MARCKSL1: variants seen among roughly 807,000 people sequenced by gnomAD.
MARCKSL1 encodes the protein MARCKS like 1.
Under a neutral mutation model 13.3 loss-of-function variants are expected in MARCKSL1, and 5 were observed. The ratio of observed to expected loss-of-function variants is 0.38; its 90% CI spans 0.20 to 0.79. The LOEUF (loss-of-function observed/expected upper bound fraction) is 0.79, where lower values mean the gene tolerates loss of function less well. Ranked by LOEUF, MARCKSL1 falls within the 30% of genes least tolerant of loss-of-function variation. The pLI is 0.45. For missense variants in MARCKSL1, 274 were observed against 251.6 expected (o/e 1.09, Z -0.60); for synonymous variants, 126 against 103.2 (o/e 1.22, Z -1.34).
In MARCKSL1 at chr1:32,335,173, A is replaced by G. The variant is rs1641365673; in HGVS notation, c.88-76T>C. 1 of 1,394,414 alleles carries G rather than the reference A, an allele frequency of 7.2e-7. No individual in the cohort carries two copies. Among genetic ancestry groups the G allele is most frequent in the Non-Finnish European group, 9.4e-7 (1 of 1,068,078 alleles). The allele number at this position is 1,394,414 out of a possible 1,614,324, so 86.4% of individuals were successfully genotyped here. ...CCCGCTTCTGATCCCTTCTAGAGGA[A>G]GGGGTCCTCGATTCGATTCTACTGC... On this transcript the variant is annotated intron_variant, in intron 1 of 1. Transcript: ENST00000329421. This position sits in a 1 kb window ranked among gnomAD's most constrained non-coding sequence, Gnocchi z 4.1.
rs1330047060 is a variant in MARCKSL1 at position 32,335,353 on chromosome 1, G to A, written c.88-256C>T. Among the ~76,000 whole-genome samples the A allele has an allele frequency of 6.6e-6, 1 of 151,124 alleles. No individual in the cohort carries two copies. Among genetic ancestry groups the A allele is most frequent in the Non-Finnish European group, 1.5e-5 (1 of 67,632 alleles). ...GGCCCCCACCCCCGTCCCCCGGGGC[G>A]CGCTCTCTATTCCGCGCGGAACCGC... On this transcript the variant is annotated intron_variant, in intron 1 of 1. Coordinates refer to ENST00000329421, the MANE Select transcript of MARCKSL1 (RefSeq NM_023009.7). The surrounding 1 kb of genome is among the most constrained non-coding windows in gnomAD (Gnocchi z 4.1).
At position 32,335,284 on chromosome 1, in the gene MARCKSL1, G is replaced by C. The variant is rs1052287580; in HGVS notation, c.88-187C>G. Among the ~76,000 whole-genome samples, 1 of 152,120 alleles carries C rather than the reference G, an allele frequency of 6.6e-6. No individual in the cohort carries two copies. Among genetic ancestry groups the C allele is most frequent in the Non-Finnish European group, 1.5e-5 (1 of 67,990 alleles). On this transcript the variant is annotated intron_variant, in intron 1 of 1. Coordinates refer to ENST00000329421, the MANE Select transcript of MARCKSL1 (RefSeq NM_023009.7). This position sits in a 1 kb window ranked among gnomAD's most constrained non-coding sequence, Gnocchi z 4.1. ...CGCCCCTCACGGGCGCGCGGGGAGC[G>C]AGCGCGCAGAGGGCGCGACCGGCAG...
Position 32,336,219 on chromosome 1 carries a change from C to A in MARCKSL1, c.-186G>T. ...TAGCTGCGCCCGCCGCCGCTCCGCT[C>A]CGCGCCAGAATGCCGCCCGCCGCCC... On this transcript the variant is annotated 5_prime_UTR_variant, in exon 1 of 2. Coordinates refer to ENST00000329421, the MANE Select transcript of MARCKSL1 (RefSeq NM_023009.7). The A allele has an allele frequency of 3.1e-6, 1 of 327,786 alleles. No individual in the cohort carries two copies. The highest frequency in any genetic ancestry group is 1.5e-4 in the South Asian group (1 of 6,884). The allele number at this position is 327,786 out of a possible 1,614,324, so 20.3% of individuals were successfully genotyped here.
rs754972259 is a variant in MARCKSL1 at position 32,334,662 on chromosome 1, CTG to C, written c.521_522del (p.Thr174ArgfsTer18). ...ASEEEAGPQA[T>X]EPSTPSGPES... ...TCCGGCCCCGAGGGAGTGGATGGCT[CTG>C]TAGCCTGGGGCCCTGCCTCTTCTTC... On this transcript the variant is annotated frameshift_variant, in exon 2 of 2. Transcript: ENST00000329421. LOFTEE classifies it high-confidence loss of function. 6.2e-7 allele frequency: 1 copy of C among 1,610,600 alleles called. No individual in the cohort carries two copies. Among genetic ancestry groups the C allele is most frequent in the South Asian group, 1.1e-5 (1 of 90,756 alleles).
Position 32,334,329 on chromosome 1 carries a change from T to C in MARCKSL1, c.*268A>G, listed in dbSNP as rs1013873984. 7.1e-5 allele frequency: 26 copies of C among 366,332 alleles called. No individual in the cohort carries two copies. The highest frequency in any genetic ancestry group is 4.5e-4 in the East Asian group (11 of 24,262). The allele number at this position is 366,332 out of a possible 1,614,324, so 22.7% of individuals were successfully genotyped here. A position where few individuals can be genotyped will look rare whatever the true frequency, so the allele number is the denominator to read the frequency against. ...GCAGGGGTGGGGACAGGGAAGGAGG[T>C]AGGGCCAGGGACAGGAGCATTTCAC... On this transcript the variant is annotated 3_prime_UTR_variant, in exon 2 of 2. Transcript: ENST00000329421.
chr1:32,335,011 G>A lies in MARCKSL1; in HGVS notation c.174C>T (p.Ala58=), dbSNP rs142561179. ...GCTCGATGGCATCGCCAGTGGCCCCGGCTGCCTCATCTGTTCCGTTCACAG... is the reference window on the plus strand; with the variant it reads ...GCTCGATGGCATCGCCAGTGGCCCCAGCTGCCTCATCTGTTCCGTTCACAG... ...SPPVNGTDEA[A]GATGDAIEPA... is the part of the protein sequence containing the mutation. The change falls in exon 2 of 2, where the codon GCC becomes GCT. Residue 58 remains alanine (A), a synonymous_variant. Transcript: ENST00000329421. The surrounding 1 kb of genome is among the most constrained non-coding windows in gnomAD (Gnocchi z 4.1). 70 of 1,603,582 alleles carry A rather than the reference G, an allele frequency of 4.4e-5. No homozygotes were observed. In the African/African-American group the frequency reaches 7.4e-4, roughly 17 times the overall value.
In MARCKSL1 at chr1:32,334,896, G is replaced by A. The variant is rs371345838; in HGVS notation, c.289C>T (p.Pro97Ser). Residue 97 changes from proline (P) to serine (S), a missense_variant, in exon 2 of 2, where the codon CCT becomes TCT. Coordinates refer to ENST00000329421, the MANE Select transcript of MARCKSL1 (RefSeq NM_023009.7). ...AAGGACAGGCCGCTCAATTTGAAAG[G>A]CTTCTTGAAAGAGAATTTCTTCTTC... ...KKKKKFSFKK[P>S]FKLSGLSFKR... The A allele has an allele frequency of 1.2e-5, 20 of 1,612,376 alleles. No homozygotes were observed. The highest frequency in any genetic ancestry group is 1.7e-5 in the Admixed American group (1 of 59,994).
In MARCKSL1 at chr1:32,334,600, C is replaced by T. The variant is rs745741528; in HGVS notation, c.585G>A (p.Glu195=). The T allele has an allele frequency of 2.6e-6, 4 of 1,537,756 alleles. No homozygotes were observed. The highest frequency in any genetic ancestry group is 1.4e-5 in the African/African-American group (1 of 72,290). Residue 195 remains glutamate, a synonymous_variant, in exon 2 of 2, where the codon GAG becomes GAA. Coordinates refer to ENST00000329421, the MANE Select transcript of MARCKSL1 (RefSeq NM_023009.7). Reference sequence around the variant, plus strand: ...TCACCCACCTGCCCCTACCTAGCTACTCATTCTGCTCAGCGCTGGCTGGTG... The same window carrying T: ...TCACCCACCTGCCCCTACCTAGCTATTCATTCTGCTCAGCGCTGGCTGGTG... ...GPTPASAEQN[E] is the part of the protein sequence containing the mutation.
At position 32,334,587 on chromosome 1, in the gene MARCKSL1, C is replaced by CCCTA. The variant is rs1477188288; in HGVS notation, c.*6_*9dup. On this transcript the variant is annotated 3_prime_UTR_variant, in exon 2 of 2. Transcript: ENST00000329421. Reference sequence around the variant, plus strand: ...TGCAGCTTAGAGATCACCCACCTGCCCCTACCTAGCTACTCATTCTGCTCA... The same window carrying CCCTA: ...TGCAGCTTAGAGATCACCCACCTGCCCCTACCTACCTAGCTACTCATTCTGCTCA... The CCCTA allele has an allele frequency of 5.2e-6, 8 of 1,526,720 alleles. No homozygotes were observed. Among genetic ancestry groups the CCCTA allele is most frequent in the Non-Finnish European group, 7.0e-6 (8 of 1,137,370 alleles). The allele number at this position is 1,526,720 out of a possible 1,614,324, so 94.6% of individuals were successfully genotyped here.
chr1:32,334,781 C>T lies in MARCKSL1; in HGVS notation c.404G>A (p.Ser135Asn). ...EQEQGEIGAC[S>N]DEGTAQEGKA... The stretch of plus-strand genomic sequence containing the variant: ...CCCTTCCTGAGCAGTGCCCTCGTCG[C>T]TGCAGGCACCGATCTCCCCCTGCTC... Residue 135 changes from serine to asparagine, a missense_variant, in exon 2 of 2, where the codon AGC becomes AAC. Physicochemically the swap from Ser to Asn is conservative, Grantham distance 46. Coordinates refer to ENST00000329421, the MANE Select transcript of MARCKSL1 (RefSeq NM_023009.7). 6.2e-7 allele frequency: 1 copy of T among 1,611,678 alleles called. No individual in the cohort carries two copies. Among genetic ancestry groups the T allele is most frequent in the African/African-American group, 1.3e-5 (1 of 75,014 alleles).
rs1161099295 is a variant in MARCKSL1, at chr1:32,335,969, G to T, written c.65C>A (p.Ser22Tyr). The change falls in exon 1 of 2, where the codon TCC becomes TAC. Residue 22 changes from serine (S) to tyrosine (Y), a missense_variant. Physicochemically the swap from Ser to Tyr is moderately radical, Grantham distance 144. Coordinates refer to ENST00000329421, the MANE Select transcript of MARCKSL1 (RefSeq NM_023009.7). This position sits in a 1 kb window ranked among gnomAD's most constrained non-coding sequence, Gnocchi z 4.1. ...CACCTGGCCGTTGGCCTTCGCGGGG[G>T]AAGCGCCTGCTGCCTCCTCGGCGGT... is the stretch of plus-strand genomic sequence containing the variant. ...DVTAEEAAGA[S>Y]PAKANGQENG... 3.9e-6 allele frequency: 5 copies of T among 1,294,752 alleles called. No individual in the cohort carries two copies. The highest frequency in any genetic ancestry group is 4.9e-6 in the Non-Finnish European group (5 of 1,018,622). The allele number at this position is 1,294,752 out of a possible 1,614,324, so 80.2% of individuals were successfully genotyped here.
Position 32,336,193 on chromosome 1 carries a change from C to A in MARCKSL1, c.-160G>T. On this transcript the variant is annotated 5_prime_UTR_variant, in exon 1 of 2. Coordinates refer to ENST00000329421, the MANE Select transcript of MARCKSL1 (RefSeq NM_023009.7). ...GCACCTCCGCTCCGCGGCCGACCCG[C>A]TAGCTGCGCCCGCCGCCGCTCCGCT... 1 of 344,250 alleles carries A rather than the reference C, an allele frequency of 2.9e-6. No individual in the cohort carries two copies. Among genetic ancestry groups the A allele is most frequent in the Non-Finnish European group, 5.2e-6 (1 of 191,720 alleles). The allele number at this position is 344,250 out of a possible 1,614,324, so 21.3% of individuals were successfully genotyped here. A position where few individuals can be genotyped will look rare whatever the true frequency, so the allele number is the denominator to read the frequency against.
rs1168710880 is a variant in MARCKSL1, at chr1:32,335,596, G to A, written c.87+351C>T. ...TGGGCCACCGAGGTCGGGTCGGCGGGTGGAGTGCGCTCCCCGCCGGGCCCC... is the reference window on the plus strand; with the variant it reads ...TGGGCCACCGAGGTCGGGTCGGCGGATGGAGTGCGCTCCCCGCCGGGCCCC... On this transcript the variant is annotated intron_variant, in intron 1 of 1. Coordinates refer to ENST00000329421, the MANE Select transcript of MARCKSL1 (RefSeq NM_023009.7). This position sits in a 1 kb window ranked among gnomAD's most constrained non-coding sequence, Gnocchi z 4.1. Among the ~76,000 whole-genome samples, 2 of 151,536 alleles carry A rather than the reference G, an allele frequency of 1.3e-5. No homozygotes were observed. Among genetic ancestry groups the A allele is most frequent in the East Asian group, 3.9e-4 (2 of 5,176 alleles).
Position 32,335,167 on chromosome 1 carries a change from A to T in MARCKSL1, c.88-70T>A, listed in dbSNP as rs1641365495. On this transcript the variant is annotated intron_variant, in intron 1 of 1. Transcript: ENST00000329421. This position sits in a 1 kb window ranked among gnomAD's most constrained non-coding sequence, Gnocchi z 4.1. ...CCCCAGCCCGCTTCTGATCCCTTCTAGAGGAAGGGGTCCTCGATTCGATTC... is the reference window on the plus strand; with the variant it reads ...CCCCAGCCCGCTTCTGATCCCTTCTTGAGGAAGGGGTCCTCGATTCGATTC... The T allele has an allele frequency of 3.6e-6, 5 of 1,399,532 alleles. No homozygotes were observed. In the East Asian group the frequency reaches 1.3e-4, roughly 36 times the overall value. 86.7% of individuals were successfully genotyped at this position (1,399,532 alleles called of 1,614,324 possible).
Position 32,335,034 on chromosome 1 carries a change from CA to C in MARCKSL1, c.150del (p.Val51Ter). 1 of 1,572,800 alleles carries C rather than the reference CA, an allele frequency of 6.4e-7. No homozygotes were observed. The highest frequency in any genetic ancestry group is 8.6e-7 in the Non-Finnish European group (1 of 1,161,020). ...CCGGCTGCCTCATCTGTTCCGTTCA[CA>C]GGGGGCGACTCCCCTTCACCCTTGG... Reference protein sequence around the residue: ...LSPKGEGESPPVNGTDEAAGA... With the variant: ...LSPKGEGESPXVNGTDEAAGA... On this transcript the variant is annotated frameshift_variant, in exon 2 of 2. Coordinates refer to ENST00000329421, the MANE Select transcript of MARCKSL1 (RefSeq NM_023009.7). LOFTEE classifies it high-confidence loss of function. This position sits in a 1 kb window ranked among gnomAD's most constrained non-coding sequence, Gnocchi z 4.1.
rs1641370681 is a variant in MARCKSL1 at position 32,335,363 on chromosome 1, T to C, written c.88-266A>G. ...CCCGTCCCCCGGGGCGCGCTCTCTA[T>C]TCCGCGCGGAACCGCTCCGGATCTG... is the stretch of plus-strand genomic sequence containing the variant. On this transcript the variant is annotated intron_variant, in intron 1 of 1. Coordinates refer to ENST00000329421, the MANE Select transcript of MARCKSL1 (RefSeq NM_023009.7). The surrounding 1 kb of genome is among the most constrained non-coding windows in gnomAD (Gnocchi z 4.1). 6.7e-6 allele frequency among the ~76,000 whole-genome samples: 1 copy of C among 150,000 alleles called. No homozygotes were observed. The highest frequency in any genetic ancestry group is 1.5e-5 in the Non-Finnish European group (1 of 67,224).
At position 32,335,314 on chromosome 1, in the gene MARCKSL1, C is replaced by T. The variant is rs1416612314; in HGVS notation, c.88-217G>A. Among the ~76,000 whole-genome samples, 1 of 152,110 alleles carries T rather than the reference C, an allele frequency of 6.6e-6. No homozygotes were observed. The highest frequency in any genetic ancestry group is 2.4e-5 in the African/African-American group (1 of 41,448). ...CGCAGAGGGCGCGACCGGCAGGAGGCGCTGGGGTCCCGTGGCCCCCACCCC... is the reference window on the plus strand; with the variant it reads ...CGCAGAGGGCGCGACCGGCAGGAGGTGCTGGGGTCCCGTGGCCCCCACCCC... On this transcript the variant is annotated intron_variant, in intron 1 of 1. Coordinates refer to ENST00000329421, the MANE Select transcript of MARCKSL1 (RefSeq NM_023009.7). This position sits in a 1 kb window ranked among gnomAD's most constrained non-coding sequence, Gnocchi z 4.1.
Position 32,334,707 on chromosome 1 carries a change from C to G in MARCKSL1, c.478G>C (p.Glu160Gln), listed in dbSNP as rs772970402. The change falls in exon 2 of 2, where the codon GAG becomes CAG. Residue 160 changes from glutamate to glutamine, a missense_variant. Physicochemically the swap from Glu to Gln is conservative, Grantham distance 29. Coordinates refer to ENST00000329421, the MANE Select transcript of MARCKSL1 (RefSeq NM_023009.7). ...TCTTCTTCTGAGGCTGCACTAGCCT[C>G]TGCCCCCTTGGCCTGGGGTTCCTGG... ...ESQEPQAKGA[E>Q]ASAASEEEAG... The G allele has an allele frequency of 1.7e-5, 27 of 1,612,808 alleles. No homozygotes were observed. In the East Asian group the frequency reaches 6.0e-4, roughly 36 times the overall value.
chr1:32,335,148 C>A lies in MARCKSL1; in HGVS notation c.88-51G>T. On this transcript the variant is annotated intron_variant, in intron 1 of 1. Transcript: ENST00000329421. This position sits in a 1 kb window ranked among gnomAD's most constrained non-coding sequence, Gnocchi z 4.1. ...AGGGCAGGGGCTCCCCCTCCCCCAG[C>A]CCGCTTCTGATCCCTTCTAGAGGAA... 6.7e-7 allele frequency: 1 copy of A among 1,494,010 alleles called. No individual in the cohort carries two copies. The highest frequency in any genetic ancestry group is 8.9e-7 in the Non-Finnish European group (1 of 1,123,460). 92.5% of individuals were successfully genotyped at this position (1,494,010 alleles called of 1,614,324 possible).
Sources: gnomAD v4.1 joint callset for allele counts (sites outside exome capture counted in the v4.1 genomes callset) on GRCh38, gnomAD v4.1.1 for gene constraint, Gnocchi (gnomAD v3.1) non-coding constraint, MANE v1.5 for transcripts, NCBI Gene and HGNC (gene_info 2026-07-23, HGNC 2026-07-21) for gene names.